Variants in GATA4 observed in about 807,000 individuals in gnomAD.
The protein encoded by GATA4 is GATA binding protein 4, also known as transcription factor GATA-4.
Under a neutral mutation model 37.9 loss-of-function variants are expected in GATA4, and 7 were observed. That is an observed-to-expected ratio of 0.18 (90% CI 0.11 to 0.35). The LOEUF (loss-of-function observed/expected upper bound fraction) is 0.35. Among genes scored for constraint, GATA4 ranks in the 10% least tolerant of loss-of-function variants. The probability of loss-of-function intolerance (pLI) is 1.00; values close to 1 mark genes in which losing one functional copy is unlikely to be tolerated. For synonymous variants in GATA4, 372 were observed against 292.6 expected (o/e 1.27, Z -2.77); for missense variants, 647 against 653.0 (o/e 0.99, Z 0.10).
chr8:11,680,662 G>A lies in GATA4; in HGVS notation c.-274+3599G>A, dbSNP rs111424503. On this transcript the variant is annotated intron_variant, in intron 1 of 6. Coordinates refer to the GATA4 transcript ENST00000528712. ...CGCTGCTGGGAACGTGTCTCGGGTC[G>A]CCCTTTGCGTCAGAGACCCCCCCCT... is the stretch of plus-strand genomic sequence containing the variant. The A allele has an allele frequency of 3.9e-3, 3,886 of 985,218 alleles. 116 individuals carry two copies. In the South Asian group the frequency reaches 0.087, roughly 22 times the overall value. The allele number at this position is 985,218 out of a possible 1,614,324, so 61.0% of individuals were successfully genotyped here.
chr8:11,735,315 G>C (rs1801401675), intron 2 of GATA4, among the ~76,000 whole-genome samples: 1 of 152,216 alleles, frequency 6.6e-6, no homozygotes, highest in Admixed American at 6.5e-5. Flanking sequence ...GTGTGTAGAA[G>C]TATATAGATT....
chr8:11,728,345 T>A (rs1292576924), intron 2 of GATA4, among the ~76,000 whole-genome samples: 2 of 152,178 alleles, frequency 1.3e-5, no homozygotes, highest in East Asian at 3.9e-4. Flanking sequence ...AAGGAAATAT[T>A]GAAAATAGTA....
intron 1 of GATA4, among the ~76,000 whole-genome samples, chr8:11,704,689 G>T (rs1005856138): frequency 6.6e-6 from 1 of 152,236 alleles, no homozygotes; most frequent in Non-Finnish European, 1.5e-5. Flanking sequence ...CAGGCTGCAC[G>T]GCAGCTCGCA....
intron 1 of GATA4, chr8:11,692,837 CG>C: frequency 1.0e-6 from 1 of 979,894 alleles, no homozygotes; most frequent in Non-Finnish European, 1.2e-6. Flanking sequence ...GAGGCGGGGG[CG>C]GCCGGCCGGG....
Position 11,708,179 on chromosome 8 carries a change from C to A in GATA4, c.-134C>A. 2.9e-6 allele frequency: 3 copies of A among 1,018,582 alleles called. No homozygotes were observed. The highest frequency in any genetic ancestry group is 2.7e-5 in the South Asian group (2 of 73,074). 63.1% of individuals were successfully genotyped at this position (1,018,582 alleles called of 1,614,324 possible). ...ATATTTTTAAGCGAGTTGGTTTTTT[C>A]CCCTTTGATTTTTGATCTTCGCGAC... On this transcript the variant is annotated 5_prime_UTR_variant, in exon 2 of 7. Transcript: ENST00000532059. This position sits in a 1 kb window ranked among gnomAD's most constrained non-coding sequence, Gnocchi z 6.7.
chr8:11,757,207 C>G (rs1383236818), intron 6 of GATA4, 124 bp downstream of exon 6: 26 of 1,418,198 alleles, frequency 1.8e-5, no homozygotes, highest in Non-Finnish European at 2.3e-5. Flanking sequence ...GTGAGCTACC[C>G]TCTGCGCTAG....
At chr8:11,729,691 C>G (rs1297807653) in intron 2 of GATA4, among the ~76,000 whole-genome samples, 1 of 152,174 alleles carries the variant, frequency 6.6e-6, no homozygotes, top group Non-Finnish European at 1.5e-5. Context: ...GTGAATCATT[C>G]CAGCTTGAAT....
chr8:11,701,854 T>TG (rs564126530), upstream of GATA4, among the ~76,000 whole-genome samples: 1,970 of 28,728 alleles, frequency 0.069, 25 homozygotes, highest in Non-Finnish European at 0.1. Flanking sequence ...ACCGGGGTGG[T>TG]GGGGGGTGGT....
At chr8:11,735,749 T>G (rs1010765391) in intron 2 of GATA4, among the ~76,000 whole-genome samples, 1 of 152,104 alleles carries the variant, frequency 6.6e-6, no homozygotes, top group African/African-American at 2.4e-5. Flanking sequence ...TTAGTAGAGA[T>G]GGGGTTTCTC....
intron 2 of GATA4, among the ~76,000 whole-genome samples, chr8:11,747,042 C>T (rs1802067588): frequency 6.6e-6 from 1 of 152,216 alleles, no homozygotes; most frequent in Non-Finnish European, 1.5e-5. Flanking sequence ...AAATGCGCAA[C>T]CTCAACCCAC....
In GATA4 at chr8:11,680,678, A is replaced by AC. The variant is rs373755296; in HGVS notation, c.-274+3623dup. 1.5e-3 allele frequency: 1,504 copies of AC among 975,312 alleles called. 9 individuals carry two copies. The African/African-American group carries it at 0.016, about 10-fold the overall frequency. 60.4% of individuals were successfully genotyped at this position (975,312 alleles called of 1,614,324 possible). Reference sequence around the variant, plus strand: ...TCTCGGGTCGCCCTTTGCGTCAGAGACCCCCCCCTTGGGGAGACCGGAATC... The same window carrying AC: ...TCTCGGGTCGCCCTTTGCGTCAGAGACCCCCCCCCTTGGGGAGACCGGAATC... On this transcript the variant is annotated intron_variant, in intron 1 of 6. Transcript: ENST00000528712.
chr8:11,680,644 G>A, intron 1 of GATA4: 1 of 985,394 alleles, frequency 1.0e-6, no homozygotes, highest in Non-Finnish European at 1.2e-6. Flanking sequence ...TGGCGCTGCT[G>A]GGAACGTGTC....
intron 5 of GATA4, among the ~76,000 whole-genome samples, chr8:11,756,011 T>C (rs1371775770): frequency 6.6e-6 from 1 of 151,288 alleles, no homozygotes; most frequent in African/African-American, 2.4e-5. Flanking sequence ...TAAATTAGAT[T>C]TATTTATAAA....
chr8:11,692,915 G>A, intron 1 of GATA4: 1 of 984,370 alleles, frequency 1.0e-6, no homozygotes, highest in Non-Finnish European at 1.2e-6. Flanking sequence ...GCCGCCTGGG[G>A]TTCCGCGGCG....
intron 2 of GATA4, among the ~76,000 whole-genome samples, chr8:11,730,850 C>G (rs1399252572): frequency 1.3e-5 from 2 of 152,252 alleles, no homozygotes; most frequent in Admixed American, 6.5e-5. Context: ...CTGGCGGGAC[C>G]TAGGTCAGCC....
upstream of GATA4, among the ~76,000 whole-genome samples, chr8:11,688,524 GCACACACA>G (rs56159918): frequency 6.7e-6 from 1 of 149,530 alleles, no homozygotes; most frequent in Non-Finnish European, 1.5e-5. Context: ...GTGCGCGCAT[GCACACACA>G]CACACACACA....
intron 1 of GATA4, among the ~76,000 whole-genome samples, chr8:11,677,707 G>T (rs1798827344): frequency 6.6e-6 from 1 of 152,146 alleles, no homozygotes; most frequent in Non-Finnish European, 1.5e-5. Context: ...CTCAGAGTCG[G>T]ATACTTTTCT....
intron 1 of GATA4, among the ~76,000 whole-genome samples, chr8:11,678,613 T>C (rs1285189674): frequency 6.6e-6 from 1 of 152,230 alleles, no homozygotes; most frequent in East Asian, 1.9e-4. Context: ...TAGAATCCTG[T>C]GATTTATCAT....
chr8:11,701,716 G>A (rs930256152), upstream of GATA4, among the ~76,000 whole-genome samples: 2 of 152,208 alleles, frequency 1.3e-5, no homozygotes, highest in African/African-American at 4.8e-5. Context: ...GCTGGACCTA[G>A]AGGAAAAAGC....
Sources: allele counts gnomAD v4.1 joint callset (sites outside exome capture counted in the v4.1 genomes callset), GRCh38; gene constraint gnomAD v4.1.1; non-coding constraint Gnocchi (gnomAD v3.1); transcripts MANE v1.5; gene names NCBI Gene and HGNC (gene_info 2026-07-23, HGNC 2026-07-21).